CAMK1D: variants seen among roughly 807,000 people sequenced by gnomAD.
The protein encoded by CAMK1D is calcium/calmodulin dependent protein kinase ID, also known as calcium/calmodulin-dependent protein kinase type 1D.
In CAMK1D, 9 loss-of-function variants were observed where a neutral mutation model predicts 47.7. The observed-to-expected ratio is 0.19, with a 90% CI of 0.11 to 0.33. The LOEUF (loss-of-function observed/expected upper bound fraction) is 0.33, where lower values mean the gene tolerates loss of function less well. CAMK1D is among the 10% of genes least tolerant of loss of function. The probability of loss-of-function intolerance (pLI) is 1.00; values close to 1 mark genes in which losing one functional copy is unlikely to be tolerated. For missense variants in CAMK1D, 291 were observed against 488.7 expected (o/e 0.60, Z 3.81); for synonymous variants, 184 against 184.9 (o/e 0.99, Z 0.04).
At chr10:12,442,906 G>A (rs1248568599) in intron 1 of CAMK1D, among the ~76,000 whole-genome samples, 2 of 152,136 alleles carry the variant, frequency 1.3e-5, no homozygotes, top group Non-Finnish European at 2.9e-5. Flanking sequence ...GCAGTGTGAT[G>A]GCAAATTTCA....
chr10:12,696,255 G>A (rs1323210823), intron 3 of CAMK1D, among the ~76,000 whole-genome samples: 1 of 151,836 alleles, frequency 6.6e-6, no homozygotes, highest in Non-Finnish European at 1.5e-5. Context: ...TATTTCAATT[G>A]GCCAGGCCTG....
chr10:12,351,715 G>T (rs940612719), intron 1 of CAMK1D, among the ~76,000 whole-genome samples: 1 of 152,198 alleles, frequency 6.6e-6, no homozygotes, highest in Non-Finnish European at 1.5e-5. Flanking sequence ...GACTGTGGGT[G>T]GTTTCCACCT....
At chr10:12,662,651 C>CAAAAAAAAAAAAAAAAA (rs56807588) in intron 2 of CAMK1D, among the ~76,000 whole-genome samples, 4 of 140,504 alleles carry the variant, frequency 2.8e-5, no homozygotes, top group African/African-American at 5.3e-5. Context: ...CACTCTGCCT[C>CAAAAAAAAAAAAAAAAA]AAAAAAAAAA....
Position 12,516,485 on chromosome 10 carries a change from T to C in CAMK1D, c.93-36740T>C, listed in dbSNP as rs1835215105. On this transcript the variant is annotated intron_variant, in intron 1 of 10. Coordinates refer to ENST00000619168, the MANE Select transcript of CAMK1D (RefSeq NM_153498.4). ...CTATGTGAACATATGTTTTCATTTA[T>C]CTTGGGTAAATAAATAGCTAGGAGT... Among the ~76,000 whole-genome samples, 3 of 142,654 alleles carry C rather than the reference T, an allele frequency of 2.1e-5. No homozygotes were observed. In the South Asian group the frequency reaches 7.2e-4, roughly 34 times the overall value. 93.6% of individuals were successfully genotyped at this position (142,654 alleles called of 152,430 possible).
intron 3 of CAMK1D, among the ~76,000 whole-genome samples, chr10:12,700,805 A>G (rs1484218144): frequency 1.3e-5 from 2 of 152,218 alleles, no homozygotes; most frequent in Non-Finnish European, 2.9e-5. Flanking sequence ...AGGAATGACC[A>G]CAAAATTGCC....
At chr10:12,443,440 G>C (rs1432154451) in intron 1 of CAMK1D, among the ~76,000 whole-genome samples, 11 of 151,920 alleles carry the variant, frequency 7.2e-5, no homozygotes, top group East Asian at 1.9e-4. Context: ...TGTTGTGCTC[G>C]TATAGTCGTG....
chr10:12,444,054 A>G (rs1473872556), intron 1 of CAMK1D, among the ~76,000 whole-genome samples: 1 of 152,174 alleles, frequency 6.6e-6, no homozygotes, highest in East Asian at 1.9e-4. Flanking sequence ...GTAATCTGTC[A>G]TGGCGCTGGC....
chr10:12,443,871 C>T (rs1832855861), intron 1 of CAMK1D, among the ~76,000 whole-genome samples: 2 of 152,162 alleles, frequency 1.3e-5, no homozygotes, highest in Admixed American at 1.3e-4. Flanking sequence ...CTCAAGTGAT[C>T]CAGCCACTTT....
intron 1 of CAMK1D, among the ~76,000 whole-genome samples, chr10:12,359,558 C>G (rs1837603795): frequency 6.6e-6 from 1 of 151,874 alleles, no homozygotes; most frequent in Non-Finnish European, 1.5e-5. Context: ...CTCCCTGCAC[C>G]CTTAGCTGGT....
At chr10:12,387,376 A>T (rs1227537122) in intron 1 of CAMK1D, among the ~76,000 whole-genome samples, 4 of 32,892 alleles carry the variant, frequency 1.2e-4, no homozygotes, top group Non-Finnish European at 3.3e-4. Context: ...TATATATATT[A>T]TATATTATAT....
At chr10:12,571,463 A>G (rs887073579) in intron 2 of CAMK1D, among the ~76,000 whole-genome samples, 2 of 149,438 alleles carry the variant, frequency 1.3e-5, no homozygotes, top group Admixed American at 6.6e-5. Context: ...CAAAAAAAAA[A>G]AAAAAAAAGA....
intron 1 of CAMK1D, among the ~76,000 whole-genome samples, chr10:12,547,682 T>TCACA (rs1554786375): frequency 3.2e-4 from 37 of 116,566 alleles, no homozygotes; most frequent in South Asian, 6.6e-4. Flanking sequence ...TTTCTCTCTC[T>TCACA]CACACACACA....
intron 1 of CAMK1D, among the ~76,000 whole-genome samples, chr10:12,524,718 AT>A (rs1418401518): frequency 2.6e-5 from 4 of 152,120 alleles, no homozygotes; most frequent in Admixed American, 2.6e-4. Context: ...AAAAAAAAAA[AT>A]CATTTTAATT....
At chr10:12,470,962 G>T (rs891666411) in intron 1 of CAMK1D, among the ~76,000 whole-genome samples, 8 of 152,170 alleles carry the variant, frequency 5.3e-5, no homozygotes, top group Admixed American at 4.6e-4. Context: ...TGTGCTCCAG[G>T]AGCCCTGGTT....
chr10:12,457,779 C>CAAAAAAAAAAAAAAAAAA (rs5783269), intron 1 of CAMK1D, among the ~76,000 whole-genome samples: 1 of 71,130 alleles, frequency 1.4e-5, no homozygotes, highest in Non-Finnish European at 2.9e-5. Flanking sequence ...GACTCTGTCT[C>CAAAAAAAAAAAAAAAAAA]AAAAAAAAAA....
chr10:12,774,777 T>A (rs916756358), intron 5 of CAMK1D, among the ~76,000 whole-genome samples: 1 of 152,230 alleles, frequency 6.6e-6, no homozygotes, highest in African/African-American at 2.4e-5. Flanking sequence ...TGAACCCCGT[T>A]GTGATCTGTG....
rs1351253553 is a variant in CAMK1D, at chr10:12,831,207, T to C, written c.*2320T>C. Reference sequence around the variant, plus strand: ...GTCTATAAGATGACATTAGACCCAGTTAAGAAGCAAGTGTCACCTGAGTTG... The same window carrying C: ...GTCTATAAGATGACATTAGACCCAGCTAAGAAGCAAGTGTCACCTGAGTTG... On this transcript the variant is annotated 3_prime_UTR_variant, in exon 11 of 11. Transcript: ENST00000619168. 2 of 152,178 alleles carry C rather than the reference T, an allele frequency of 1.3e-5. No homozygotes were observed. The highest frequency in any genetic ancestry group is 1.3e-4 in the Admixed American group (2 of 15,274). 9.4% of individuals were successfully genotyped at this position (152,178 alleles called of 1,614,324 possible). A position where few individuals can be genotyped will look rare whatever the true frequency, so the allele number is the denominator to read the frequency against.
intron 1 of CAMK1D, among the ~76,000 whole-genome samples, chr10:12,512,356 C>T (rs909621325): frequency 3.3e-5 from 5 of 152,122 alleles, no homozygotes; most frequent in Admixed American, 6.5e-5. Context: ...TTCAGACAAA[C>T]CCGGAGTCTC....
At chr10:12,354,550 C>G (rs962899162) in intron 1 of CAMK1D, among the ~76,000 whole-genome samples, 2 of 146,784 alleles carry the variant, frequency 1.4e-5, no homozygotes, top group African/African-American at 5.0e-5. Flanking sequence ...CTCAGCCTCC[C>G]AAGTAGCACC....
Sources: gnomAD v4.1 joint callset for allele counts (sites outside exome capture counted in the v4.1 genomes callset) on GRCh38, gnomAD v4.1.1 for gene constraint, MANE v1.5 for transcripts, NCBI Gene and HGNC (gene_info 2026-07-23, HGNC 2026-07-21) for gene names.